Variants in FGD6 observed in about 807,000 individuals in gnomAD.
FGD6 encodes the protein FYVE, RhoGEF and PH domain-containing protein 6.
FGD6 carries 90 observed loss-of-function variants against 149.4 expected under a neutral mutation model. The observed-to-expected ratio is 0.60, with a 90% CI of 0.51 to 0.72. The LOEUF (loss-of-function observed/expected upper bound fraction) is 0.72. FGD6 is among the 30% of genes least tolerant of loss of function. The probability of loss-of-function intolerance (pLI) is 0.00; values close to 1 mark genes in which losing one functional copy is unlikely to be tolerated. For synonymous variants in FGD6, 527 were observed against 584.0 expected (o/e 0.90, Z 1.41); for missense variants, 1,437 against 1,684.8 (o/e 0.85, Z 2.57).
intron 3 of FGD6, among the ~76,000 whole-genome samples, chr12:95,169,401 A>G (rs1269179678): frequency 1.3e-5 from 2 of 152,110 alleles, no homozygotes; most frequent in Admixed American, 1.3e-4. Context: ...AAAAAAAAAA[A>G]GGATAAAAAT....
At chr12:95,167,882 C>T (rs557293078) in intron 3 of FGD6, among the ~76,000 whole-genome samples, 16 of 151,714 alleles carry the variant, frequency 1.1e-4, no homozygotes, top group Non-Finnish European at 1.6e-4. Context: ...GCCAAACCAC[C>T]GCACTGGGCC....
intron 2 of FGD6, among the ~76,000 whole-genome samples, chr12:95,198,491 T>G (rs1036856733): frequency 7.9e-5 from 12 of 152,062 alleles, no homozygotes; most frequent in Non-Finnish European, 1.2e-4. Context: ...CCAGGCTGGA[T>G]TGCAGTGGCG....
intron 5 of FGD6, among the ~76,000 whole-genome samples, chr12:95,148,236 GA>G (rs1014015718): frequency 5.2e-5 from 7 of 134,440 alleles, no homozygotes; most frequent in Non-Finnish European, 8.0e-5. Context: ...TTTTAACATG[GA>G]AAAAAAAATG....
chr12:95,204,308 C>T (rs969212322), intron 2 of FGD6, among the ~76,000 whole-genome samples: 4 of 152,298 alleles, frequency 2.6e-5, no homozygotes, highest in African/African-American at 9.6e-5. Flanking sequence ...CTCAGTGCCA[C>T]TCCTTACACC....
Position 95,217,317 on chromosome 12 carries a change from C to T in FGD6, c.-77G>A. ...CTTTCAGTCCATTGTTCCCACAGTT[C>T]GGGTAGGAGAGAAAAGCCCCCGCAG... On this transcript the variant is annotated 5_prime_UTR_variant, in exon 1 of 21. Coordinates refer to ENST00000343958, the MANE Select transcript of FGD6 (RefSeq NM_018351.4). 2.0e-6 allele frequency: 3 copies of T among 1,508,406 alleles called. No homozygotes were observed. The highest frequency in any genetic ancestry group is 2.6e-5 in the East Asian group (1 of 38,522). 93.4% of individuals were successfully genotyped at this position (1,508,406 alleles called of 1,614,324 possible). A position where few individuals can be genotyped will look rare whatever the true frequency, so the allele number is the denominator to read the frequency against.
intron 11 of FGD6, 68 bp downstream of exon 11, chr12:95,108,280 A>G: frequency 7.3e-7 from 1 of 1,372,820 alleles, no homozygotes; most frequent in Admixed American, 2.0e-5. Flanking sequence ...TTATAAAATG[A>G]TAAACAGATA....
chr12:95,195,363 A>G (rs911718350), intron 2 of FGD6, among the ~76,000 whole-genome samples: 6 of 152,214 alleles, frequency 3.9e-5, no homozygotes, highest in Non-Finnish European at 7.4e-5. Flanking sequence ...ACCAGGTTCT[A>G]TAACAAAAGC....
chr12:95,100,280 CA>C (rs1878381128), intron 14 of FGD6, among the ~76,000 whole-genome samples: 1 of 152,186 alleles, frequency 6.6e-6, no homozygotes, highest in African/African-American at 2.4e-5. Context: ...GCCCAGTAAA[CA>C]TTTGTTAATG....
intron 2 of FGD6, among the ~76,000 whole-genome samples, chr12:95,184,594 T>C (rs1592867551): frequency 6.6e-6 from 1 of 151,860 alleles, no homozygotes; most frequent in East Asian, 1.9e-4. Flanking sequence ...TTTTTTTTTT[T>C]TTTGAGATGG....
chr12:95,213,581 A>G (rs183934710), intron 1 of FGD6, among the ~76,000 whole-genome samples: 24 of 152,302 alleles, frequency 1.6e-4, no homozygotes, highest in African/African-American at 5.8e-4. Flanking sequence ...CTCTCATCAA[A>G]TTAATCTTTT....
At chr12:95,129,519 C>T (rs771107914) in intron 8 of FGD6, among the ~76,000 whole-genome samples, 3 of 152,078 alleles carry the variant, frequency 2.0e-5, no homozygotes, top group Admixed American at 1.3e-4. Flanking sequence ...GGTCTCTACC[C>T]GGAAGAGATG....
intron 18 of FGD6, 25 bp downstream of exon 18, chr12:95,089,544 T>A: frequency 6.2e-7 from 1 of 1,610,920 alleles, no homozygotes; most frequent in Non-Finnish European, 8.5e-7. Flanking sequence ...CTCTATCACA[T>A]TGCAAATTTA....
chr12:95,175,071 G>T (rs193222148), intron 2 of FGD6, among the ~76,000 whole-genome samples: 1 of 151,954 alleles, frequency 6.6e-6, no homozygotes, highest in East Asian at 1.9e-4. Context: ...GATACAAGAG[G>T]GATTAAAGTA....
At chr12:95,133,585 G>C (rs1879584750) in intron 8 of FGD6, among the ~76,000 whole-genome samples, 1 of 152,186 alleles carries the variant, frequency 6.6e-6, no homozygotes, top group Non-Finnish European at 1.5e-5. Context: ...TTCTTAAGGA[G>C]AGTAACAGAA....
intron 8 of FGD6, among the ~76,000 whole-genome samples, chr12:95,121,255 C>A (rs917443350): frequency 2.0e-5 from 3 of 151,768 alleles, no homozygotes; most frequent in Admixed American, 2.0e-4. Flanking sequence ...GACTGGCCAA[C>A]ATGGTGAAAC....
intron 14 of FGD6, among the ~76,000 whole-genome samples, chr12:95,104,247 T>C (rs1878535572): frequency 6.6e-6 from 1 of 152,196 alleles, no homozygotes. Flanking sequence ...CTAACCTAAG[T>C]GCAAAAAGTG....
chr12:95,108,924 G>T (rs1878721950), intron 9 of FGD6, among the ~76,000 whole-genome samples: 2 of 152,184 alleles, frequency 1.3e-5, no homozygotes, highest in African/African-American at 4.8e-5. Context: ...ATTTCACCTG[G>T]AAGATAAGGA....
At chr12:95,134,879 C>T in intron 7 of FGD6, 53 bp from the exon 8 acceptor site, 1 of 1,485,554 alleles carries the variant, frequency 6.7e-7, no homozygotes, top group Non-Finnish European at 9.2e-7. Context: ...AAGCAAGGGA[C>T]CCAGATTCAA....
chr12:95,087,725 C>T (rs11107891), intron 18 of FGD6, among the ~76,000 whole-genome samples: 10,750 of 152,126 alleles, frequency 0.071, 496 homozygotes, highest in South Asian at 0.14. Context: ...CACATGCGCT[C>T]TGTGAATTTT....
Sources: gnomAD v4.1 joint callset for allele counts (sites outside exome capture counted in the v4.1 genomes callset) on GRCh38, gnomAD v4.1.1 for gene constraint, MANE v1.5 for transcripts, NCBI Gene and HGNC (gene_info 2026-07-23, HGNC 2026-07-21) for gene names.